The following ZNF221 variants were observed in gnomAD, a reference collection of about 807,000 sequenced individuals.
ZNF221 encodes zinc finger protein 221.
A neutral mutation model predicts 12.6 loss-of-function variants in ZNF221; 10 were observed. The observed-to-expected ratio is 0.79, with a 90% CI of 0.49 to 1.34. The LOEUF is 1.34. Ranked by LOEUF, ZNF221 falls within the 40% of genes most tolerant of loss-of-function variation. The pLI, the probability that ZNF221 is intolerant of heterozygous loss-of-function variation, is 0.00. For missense variants in ZNF221, 661 were observed against 721.4 expected (o/e 0.92, Z 0.96); for synonymous variants, 232 against 244.0 (o/e 0.95, Z 0.46).
At chr19:43,959,858 T>A (rs1383345379) in intron 1 of ZNF221, among the ~76,000 whole-genome samples, 1 of 152,204 alleles carries the variant, frequency 6.6e-6, no homozygotes, top group Non-Finnish European at 1.5e-5. Flanking sequence ...TGAGGTGCAA[T>A]GCATTGCTAT....
At chr19:43,978,478 C>T in the ZNF221 span, 1 of 152,144 alleles carries the variant, frequency 6.6e-6, no homozygotes, top group African/African-American at 2.4e-5. Context: ...CATCAGATTA[C>T]ATTTTTAAAT....
chr19:43,954,922 T>C (rs2284243), intron 1 of ZNF221, among the ~76,000 whole-genome samples: 15,651 of 152,118 alleles, frequency 0.1, 936 homozygotes, highest in East Asian at 0.14. Flanking sequence ...CCCACTGACA[T>C]TGGGTATGAG....
rs144494014 is a variant in ZNF221, at chr19:43,967,170, C to T, written c.1668C>T (p.His556=). 385 of 1,591,138 alleles carry T rather than the reference C, an allele frequency of 2.4e-4. No homozygotes were observed. Among genetic ancestry groups the T allele is most frequent in the Admixed American group, 5.4e-4 (32 of 58,796 alleles). ...KFNLDMHQRV[H]GGERPYNCKE... ...ATCTTGACATGCACCAGAGGGTCCA[C>T]GGGGGAGAGCGACCCTATAATTGTA... is the stretch of plus-strand genomic sequence containing the variant. The change falls in exon 5 of 5, where the codon CAC becomes CAT. Residue 556 remains histidine, a synonymous_variant. Transcript: ENST00000587682.
Position 43,964,932 on chromosome 19 carries a change from G to A in ZNF221, c.82-18G>A, listed in dbSNP as rs1974910954. 1.2e-6 allele frequency: 2 copies of A among 1,614,030 alleles called. No homozygotes were observed. The highest frequency in any genetic ancestry group is 1.7e-6 in the Non-Finnish European group (2 of 1,179,960). On this transcript the variant is annotated intron_variant, in intron 2 of 4. Coordinates refer to ENST00000587682, the MANE Select transcript of ZNF221 (RefSeq NM_001297588.2). ...TCATTGGTCATAAGATTTAGGTTTTGTATGTTGGATATTTTAGGAGGCAGT... is the reference window on the plus strand; with the variant it reads ...TCATTGGTCATAAGATTTAGGTTTTATATGTTGGATATTTTAGGAGGCAGT...
At chr19:43,965,148 C>T in intron 3 of ZNF221, 72 bp downstream of exon 3, 2 of 1,598,850 alleles carry the variant, frequency 1.3e-6, no homozygotes, top group Non-Finnish European at 1.7e-6. Context: ...TTTGAGTATG[C>T]ATTGGGAACC....
the ZNF221 span, among the ~76,000 whole-genome samples, chr19:43,973,085 A>G: frequency 1.3e-4 from 20 of 152,344 alleles, no homozygotes; most frequent in East Asian, 3.9e-3. Flanking sequence ...CCAGGATGCA[A>G]CGTTGGTTCA....
chr19:43,955,827 T>C (rs1411868160), intron 1 of ZNF221, among the ~76,000 whole-genome samples: 1 of 152,206 alleles, frequency 6.6e-6, no homozygotes, highest in Non-Finnish European at 1.5e-5. Context: ...AGCTCTTTGC[T>C]GGTCAGTTGA....
At chr19:43,974,252 G>A in the ZNF221 span, among the ~76,000 whole-genome samples, 1 of 151,634 alleles carries the variant, frequency 6.6e-6, no homozygotes, top group African/African-American at 2.4e-5. Context: ...CAAAAATTAA[G>A]ATGGATTAAA....
chr19:43,967,345 A>C lies in ZNF221; in HGVS notation c.1843A>C (p.Lys615Gln), dbSNP rs1974995045. Residue 615 changes from lysine to glutamine, a missense_variant, in exon 5 of 5, where the codon AAA becomes CAA. Coordinates refer to ENST00000587682, the MANE Select transcript of ZNF221 (RefSeq NM_001297588.2). Reference sequence around the variant, plus strand: ...TACATCAGTAAGTCTATGTGGGAGAAAAGCCATATAAATGTGAGAAGTGTG... The same window carrying C: ...TACATCAGTAAGTCTATGTGGGAGACAAGCCATATAAATGTGAGAAGTGTG... ...SFTSVSLCGR[K>Q]AI 1 of 1,609,208 alleles carries C rather than the reference A, an allele frequency of 6.2e-7. No individual in the cohort carries two copies.
At chr19:43,976,020 A>G in the ZNF221 span, among the ~76,000 whole-genome samples, 1 of 152,130 alleles carries the variant, frequency 6.6e-6, no homozygotes, top group African/African-American at 2.4e-5. Flanking sequence ...AGTTTTTTCA[A>G]CAATTTTAAG....
intron 1 of ZNF221, among the ~76,000 whole-genome samples, 193 bp downstream of exon 1, chr19:43,951,593 G>A (rs1161833850): frequency 6.6e-6 from 1 of 152,154 alleles, no homozygotes; most frequent in East Asian, 1.9e-4. Context: ...ACAACGTTGG[G>A]GTGTTACTTA....
intron 1 of ZNF221, among the ~76,000 whole-genome samples, chr19:43,951,680 G>C (rs118120065): frequency 0.019 from 2,912 of 152,212 alleles, 32 homozygotes; most frequent in Non-Finnish European, 0.028. Context: ...CTTGGGAATT[G>C]AAAGAGGTAA....
rs370296511 is a variant in ZNF221, at chr19:43,962,720, T to A, written c.-2-5T>A. The A allele has an allele frequency of 6.2e-7, 1 of 1,613,944 alleles. No homozygotes were observed. The highest frequency in any genetic ancestry group is 8.5e-7 in the Non-Finnish European group (1 of 1,179,850). On this transcript the variant is annotated splice_region_variant and splice_polypyrimidine_tract_variant and intron_variant, in intron 1 of 4. Transcript: ENST00000587682. ...TGTTTTTCTGCCTTTCCTGGCACTT[T>A]CCAGGCATGATTTCACCTTCACTTG...
intron 1 of ZNF221, among the ~76,000 whole-genome samples, chr19:43,962,409 T>G (rs1014227785): frequency 7.9e-5 from 12 of 152,220 alleles, no homozygotes; most frequent in Non-Finnish European, 1.8e-4. Flanking sequence ...TTTATAAAAT[T>G]GAATTTTACA....
Position 43,967,574 on chromosome 19 carries a change from G to A in ZNF221, c.*218G>A. The A allele has an allele frequency of 8.5e-6, 4 of 471,010 alleles. No homozygotes were observed. Among genetic ancestry groups the A allele is most frequent in the Middle Eastern group, 1.1e-3 (2 of 1,892 alleles). The allele number at this position is 471,010 out of a possible 1,614,324, so 29.2% of individuals were successfully genotyped here. ...GCTCACTGCAAGCTCCGCCTCCCAG[G>A]TTCACGCCATTCTCCTGCCTCAGCC... On this transcript the variant is annotated 3_prime_UTR_variant, in exon 5 of 5. Coordinates refer to ENST00000587682, the MANE Select transcript of ZNF221 (RefSeq NM_001297588.2).
chr19:43,954,148 A>G (rs879914216), intron 1 of ZNF221, among the ~76,000 whole-genome samples: 11 of 150,762 alleles, frequency 7.3e-5, no homozygotes, highest in Non-Finnish European at 1.0e-4. Flanking sequence ...TCAGAATCCC[A>G]TTTAGTCACA....
chr19:43,967,139 A>G lies in ZNF221; in HGVS notation c.1637A>G (p.Lys546Arg). 1 of 1,591,780 alleles carries G rather than the reference A, an allele frequency of 6.3e-7. No homozygotes were observed. The highest frequency in any genetic ancestry group is 8.6e-7 in the Non-Finnish European group (1 of 1,166,862). Residue 546 changes from lysine (K) to arginine (R), a missense_variant, in exon 5 of 5, where the codon AAA becomes AGA. By Grantham distance (26) the Lys-to-Arg change is conservative (BLOSUM62 2). Coordinates refer to ENST00000587682, the MANE Select transcript of ZNF221 (RefSeq NM_001297588.2). ...CAGTGTGAGAAGGGGTACAACAGTA[A>G]ATTTAATCTTGACATGCACCAGAGG... ...CEQCEKGYNS[K>R]FNLDMHQRVH... is the part of the protein sequence containing the mutation.
rs773637383 is a variant in ZNF221, at chr19:43,965,257, C to T, written c.233C>T (p.Thr78Ile). The T allele has an allele frequency of 6.2e-7, 1 of 1,613,050 alleles. No individual in the cohort carries two copies. The highest frequency in any genetic ancestry group is 8.5e-7 in the Non-Finnish European group (1 of 1,179,548). ...SVGNQPFHQD[T>I]FHFLGKEKFW... ...GGGAATCAACCATTCCACCAAGATACTTTCCACTTCTTAGGGAAGGAAAAG... is the reference window on the plus strand; with the variant it reads ...GGGAATCAACCATTCCACCAAGATATTTTCCACTTCTTAGGGAAGGAAAAG... The change falls in exon 4 of 5, where the codon ACT becomes ATT. Residue 78 changes from threonine (T) to isoleucine (I), a missense_variant. Physicochemically the swap from Thr to Ile is moderately conservative, Grantham distance 89. Coordinates refer to ENST00000587682, the MANE Select transcript of ZNF221 (RefSeq NM_001297588.2).
intron 1 of ZNF221, among the ~76,000 whole-genome samples, chr19:43,958,501 G>A (rs1423111627): frequency 6.6e-6 from 1 of 152,280 alleles, no homozygotes; most frequent in East Asian, 1.9e-4. Flanking sequence ...TTATCCAGTT[G>A]ATCAGGCTGG....
Sources: allele counts gnomAD v4.1 joint callset (sites outside exome capture counted in the v4.1 genomes callset), GRCh38; gene constraint gnomAD v4.1.1; transcripts MANE v1.5; gene names NCBI Gene and HGNC (gene_info 2026-07-23, HGNC 2026-07-21).